The following CPS1 variants were observed in gnomAD, a reference collection of about 807,000 sequenced individuals.
CPS1 encodes carbamoyl-phosphate synthase 1.
Under a neutral mutation model 174.6 loss-of-function variants are expected in CPS1, and 109 were observed. The observed-to-expected ratio is 0.62, with a 90% confidence interval of 0.53 to 0.73. CPS1 has a LOEUF of 0.73. Among genes scored for constraint, CPS1 ranks in the 30% least tolerant of loss-of-function variants. The probability of loss-of-function intolerance (pLI) is 0.00; values close to 1 mark genes in which losing one functional copy is unlikely to be tolerated. For synonymous variants in CPS1, 637 were observed against 632.0 expected, an observed-to-expected ratio of 1.01 and a Z score of -0.12; for missense variants, 1,689 against 1,821.9, an observed-to-expected ratio of 0.93 and a Z score of 1.33.
rs146430797 is a variant in CPS1, at chr2:210,516,510, A to C, written c.3+38744A>C. Among the ~76,000 whole-genome samples the C allele has an allele frequency of 4.3e-4, 66 of 151,870 alleles. No individual in the cohort carries two copies. In the East Asian group the frequency reaches 0.013, roughly 29 times the overall value. On this transcript the variant is annotated intron_variant, in intron 1 of 38. Coordinates refer to the CPS1 transcript ENST00000430249. The stretch of plus-strand genomic sequence containing the variant: ...TTCTGTCTCCTCTGACCACATTCCT[A>C]TGTGCTCTTCTCTTTGCTTTGGTGA...
At chr2:210,539,587 C>T (rs1047992810) in intron 1 of CPS1, among the ~76,000 whole-genome samples, 8 of 152,132 alleles carry the variant, frequency 5.3e-5, no homozygotes, top group African/African-American at 1.9e-4. Context: ...CCCTATTCCT[C>T]TTCAAGAGGG....
chr2:210,656,583 C>G lies in CPS1; in HGVS notation c.3617C>G (p.Ala1206Gly). The change falls in exon 30 of 38, where the codon GCC (alanine) becomes GGC (glycine). Residue 1206 changes from alanine to glycine, a missense_variant. Ala to Gly is a moderately conservative substitution (Grantham distance 60). Transcript: ENST00000233072. ...VEDAGVHSGD[A>G]TLMLPTQTIS... ...GATGCAGGTGTCCACTCGGGAGATG[C>G]CACTCTGATGCTGCCCACACAAACC... is the stretch of plus-strand genomic sequence containing the variant. 6.2e-7 allele frequency: 1 copy of G among 1,612,098 alleles called. No individual in the cohort carries two copies. Among genetic ancestry groups the G allele is most frequent in the South Asian group, 1.1e-5 (1 of 90,980 alleles).
At position 210,576,957 on chromosome 2, in the gene CPS1, A is replaced by T. The variant is rs1334596466; in HGVS notation, c.382-464A>T. Among the ~76,000 whole-genome samples, 3 of 152,298 alleles carry T rather than the reference A, an allele frequency of 2.0e-5. No homozygotes were observed. The East Asian group carries it at 5.8e-4, about 29-fold the overall frequency. On this transcript the variant is annotated intron_variant, in intron 3 of 37. Coordinates refer to ENST00000233072, the MANE Select transcript of CPS1 (RefSeq NM_001875.5). Reference sequence around the variant, plus strand: ...TCTTAGGAATATATATCATATAAACAATTCAAAAATTTATATTCCAAATTC... The same window carrying T: ...TCTTAGGAATATATATCATATAAACTATTCAAAAATTTATATTCCAAATTC...
rs566118671 is a variant in CPS1 at position 210,607,675 on chromosome 2, G to A, written c.2193-686G>A. On this transcript the variant is annotated intron_variant, in intron 18 of 37. Transcript: ENST00000233072. ...TTCTCACTTGGTTCTTCTGTTGACC[G>A]TGTGATTTTGAGCACATCACTCATT... 1.3e-3 allele frequency among the ~76,000 whole-genome samples: 199 copies of A among 151,950 alleles called. 2 individuals carry two copies. Among genetic ancestry groups the A allele is most frequent in the South Asian group, 7.2e-3 (35 of 4,832 alleles).
intron 25 of CPS1, among the ~76,000 whole-genome samples, chr2:210,646,109 A>T (rs1700370491): frequency 6.6e-6 from 1 of 152,154 alleles, no homozygotes; most frequent in Non-Finnish European, 1.5e-5. Flanking sequence ...AGTCTAATTG[A>T]CTCAAACTTT....
intron 1 of CPS1, among the ~76,000 whole-genome samples, chr2:210,500,216 T>C (rs925337243): frequency 6.6e-6 from 1 of 152,116 alleles, no homozygotes; most frequent in Non-Finnish European, 1.5e-5. Context: ...CATTTCAAGA[T>C]TACAATTCAA....
chr2:210,538,240 T>C (rs1157689597), intron 1 of CPS1, among the ~76,000 whole-genome samples: 3 of 152,192 alleles, frequency 2.0e-5, no homozygotes, highest in Admixed American at 6.5e-5. Context: ...CATTATAAAC[T>C]TTATAAATTC....
At chr2:210,535,493 G>A (rs1402155254) in intron 1 of CPS1, among the ~76,000 whole-genome samples, 1 of 152,076 alleles carries the variant, frequency 6.6e-6, no homozygotes, top group East Asian at 1.9e-4. Context: ...TTTGAGCTCT[G>A]GCTCATTGGA....
At chr2:210,674,848 A>G in intron 34 of CPS1, 54 bp from the exon 35 acceptor site, 1 of 1,340,110 alleles carries the variant, frequency 7.5e-7, no homozygotes, top group Non-Finnish European at 1.1e-6. Context: ...ACCATATTGC[A>G]TAAATGAAGA....
At chr2:210,582,243 AT>A (rs994226699) in intron 5 of CPS1, among the ~76,000 whole-genome samples, 9 of 151,792 alleles carry the variant, frequency 5.9e-5, no homozygotes, top group Non-Finnish European at 1.3e-4. Flanking sequence ...GTCTCAATAG[AT>A]TTTTTTTGTC....
chr2:210,616,364 C>T, intron 20 of CPS1, 59 bp from the exon 21 acceptor site: 1 of 1,209,162 alleles, frequency 8.3e-7, no homozygotes, highest in Non-Finnish European at 1.2e-6. Flanking sequence ...GTATTTTAAA[C>T]CAAATAAGAC....
At chr2:210,554,753 GA>G (rs903722061), upstream of CPS1, among the ~76,000 whole-genome samples, 38 of 146,006 alleles carry the variant, frequency 2.6e-4, 1 homozygote, top group South Asian at 4.4e-3. Flanking sequence ...AATAATAAAA[GA>G]AAAAAAAACT....
intron 6 of CPS1, among the ~76,000 whole-genome samples, chr2:210,583,538 G>A (rs1260278257): frequency 1.3e-5 from 2 of 152,106 alleles, no homozygotes; most frequent in African/African-American, 2.4e-5. Context: ...CACAAAGAGC[G>A]GGTAGTAACA....
intron 34 of CPS1, chr2:210,674,509 C>T (rs996085876): frequency 9.7e-5 from 16 of 165,632 alleles, no homozygotes; most frequent in African/African-American, 2.4e-4. Flanking sequence ...GAAATAAGAG[C>T]AGGTTGAATA....
chr2:210,601,460 C>T (rs928131980), intron 15 of CPS1, among the ~76,000 whole-genome samples: 1 of 151,910 alleles, frequency 6.6e-6, no homozygotes, highest in African/African-American at 2.4e-5. Context: ...GACAATGCTA[C>T]CAAGTATCTT....
intron 1 of CPS1, among the ~76,000 whole-genome samples, chr2:210,493,691 A>G (rs1694922146): frequency 6.6e-6 from 1 of 152,124 alleles, no homozygotes; most frequent in Non-Finnish European, 1.5e-5. Context: ...TGTCTTGCCT[A>G]TTTATAAGTC....
rs1366985575 is a variant in CPS1 at position 210,658,584 on chromosome 2, T to C, written c.3667-15T>C. The C allele has an allele frequency of 1.9e-5, 31 of 1,611,276 alleles. No homozygotes were observed. The highest frequency in any genetic ancestry group is 1.7e-4 in the Middle Eastern group (1 of 6,058). ...TGCTCTTTAGCACACTATACGATTA[T>C]GCTTTTTAATTCAGGTGAAGGATGC... On this transcript the variant is annotated splice_polypyrimidine_tract_variant and intron_variant, in intron 30 of 37. Coordinates refer to ENST00000233072, the MANE Select transcript of CPS1 (RefSeq NM_001875.5).
At chr2:210,672,286 G>A (rs890891458) in intron 34 of CPS1, 31 of 152,118 alleles carry the variant, frequency 2.0e-4, no homozygotes, top group Non-Finnish European at 3.8e-4. Flanking sequence ...TTTGCTAGGG[G>A]AAAGTATAAA....
intron 1 of CPS1, among the ~76,000 whole-genome samples, chr2:210,500,130 T>C (rs1361111997): frequency 1.3e-5 from 2 of 151,992 alleles, no homozygotes; most frequent in Non-Finnish European, 2.9e-5. Context: ...TCCACTATCA[T>C]GAAAACAGCA....
Sources: gnomAD v4.1 joint callset for allele counts (sites outside exome capture counted in the v4.1 genomes callset) on GRCh38, gnomAD v4.1.1 for gene constraint, MANE v1.5 for transcripts, NCBI Gene and HGNC (gene_info 2026-07-23, HGNC 2026-07-21) for gene names.